DLC1: variants seen among roughly 807,000 people sequenced by gnomAD.
The protein encoded by DLC1 is rho GTPase-activating protein 7.
DLC1 carries 54 observed loss-of-function variants against 140.3 expected under a neutral mutation model. The ratio of observed to expected loss-of-function variants is 0.38; its 90% CI spans 0.31 to 0.48. DLC1 has a LOEUF of 0.48. Ranked by LOEUF, DLC1 falls within the 20% of genes least tolerant of loss-of-function variation. The pLI is 0.96. For synonymous variants in DLC1, 986 were observed against 728.1 expected, an observed-to-expected ratio of 1.35 and a Z score of -5.70; for missense variants, 2,536 against 1,907.0, an observed-to-expected ratio of 1.33 and a Z score of -6.14.
intron 2 of DLC1, among the ~76,000 whole-genome samples, chr8:13,405,569 C>G (rs1036293663): frequency 2.6e-5 from 4 of 152,154 alleles, no homozygotes; most frequent in Admixed American, 1.3e-4. Flanking sequence ...GAGCCTGGCT[C>G]TTCCCACTCC....
intron 5 of DLC1, among the ~76,000 whole-genome samples, chr8:13,134,990 C>T (rs545660121): frequency 3.1e-4 from 47 of 152,136 alleles, no homozygotes; most frequent in African/African-American, 9.6e-4. Context: ...AAAAGCGGTG[C>T]TGTGAGGGCC....
chr8:13,479,263 A>T (rs1328585617), intron 2 of DLC1, among the ~76,000 whole-genome samples: 1 of 152,214 alleles, frequency 6.6e-6, no homozygotes, highest in Non-Finnish European at 1.5e-5. Context: ...GCAACAATAA[A>T]TGTTTCAAAG....
chr8:13,592,797 G>T (rs1009373340), intron 1 of DLC1, among the ~76,000 whole-genome samples: 8 of 151,940 alleles, frequency 5.3e-5, no homozygotes, highest in Non-Finnish European at 1.0e-4. Context: ...CTAGGATTTT[G>T]TTTTGTTTTG....
intron 2 of DLC1, among the ~76,000 whole-genome samples, chr8:13,447,340 C>T (rs1281761193): frequency 2.0e-5 from 3 of 152,208 alleles, no homozygotes; most frequent in Non-Finnish European, 2.9e-5. Flanking sequence ...TTAAGGCATA[C>T]GATTTATGAC....
rs1831385731 is a variant in DLC1, at chr8:13,282,138, C to A, written c.1348+23131G>T. Among the ~76,000 whole-genome samples the A allele has an allele frequency of 2.0e-5, 3 of 152,178 alleles. No homozygotes were observed. In the South Asian group the frequency reaches 6.2e-4, roughly 31 times the overall value. ...TGGGCTAGATGGTCTCATTCCACTT[C>A]AGAAAAATACCTCACCAGAATTCTA... On this transcript the variant is annotated intron_variant, in intron 5 of 17. Transcript: ENST00000276297.
intron 1 of DLC1, among the ~76,000 whole-genome samples, chr8:13,575,562 G>A (rs1327257001): frequency 6.6e-6 from 1 of 152,034 alleles, no homozygotes; most frequent in Non-Finnish European, 1.5e-5. Flanking sequence ...CAGAAGAGTG[G>A]GGCTTGAAAG....
intron 5 of DLC1, among the ~76,000 whole-genome samples, chr8:13,237,867 T>C (rs533783862): frequency 6.7e-6 from 1 of 149,244 alleles, no homozygotes; most frequent in African/African-American, 2.5e-5. Flanking sequence ...CATTTAAAAA[T>C]AGTACTTACC....
At chr8:13,379,810 C>A (rs576406867) in intron 4 of DLC1, among the ~76,000 whole-genome samples, 2 of 152,140 alleles carry the variant, frequency 1.3e-5, no homozygotes, top group African/African-American at 2.4e-5. Context: ...GAATACTATG[C>A]AGCCTCAAAA....
At chr8:13,376,206 T>C (rs1201927441) in intron 4 of DLC1, among the ~76,000 whole-genome samples, 1 of 152,138 alleles carries the variant, frequency 6.6e-6, no homozygotes, top group Non-Finnish European at 1.5e-5. Flanking sequence ...CCAGAGAAAA[T>C]GGAAAACATT....
intron 5 of DLC1, among the ~76,000 whole-genome samples, chr8:13,235,932 T>C (rs1205909310): frequency 3.3e-5 from 5 of 151,768 alleles, no homozygotes; most frequent in African/African-American, 1.2e-4. Context: ...ACTTATTATA[T>C]AAAACACTAC....
At chr8:13,140,264 G>C (rs1822881682) in intron 5 of DLC1, among the ~76,000 whole-genome samples, 1 of 151,926 alleles carries the variant, frequency 6.6e-6, no homozygotes, top group Non-Finnish European at 1.5e-5. Flanking sequence ...ACACGATCTT[G>C]CTCTGTTACC....
chr8:13,231,558 C>G (rs1296796430), intron 5 of DLC1, among the ~76,000 whole-genome samples: 1 of 152,154 alleles, frequency 6.6e-6, no homozygotes, highest in Admixed American at 6.5e-5. Flanking sequence ...GACAGACAAG[C>G]AAAGAGTTGA....
chr8:13,149,669 C>G (rs1823671556), intron 5 of DLC1, among the ~76,000 whole-genome samples: 1 of 152,180 alleles, frequency 6.6e-6, no homozygotes, highest in Non-Finnish European at 1.5e-5. Context: ...TGACATTCCC[C>G]CTATCTTCAG....
intron 5 of DLC1, among the ~76,000 whole-genome samples, chr8:13,205,767 T>A (rs1209375478): frequency 6.6e-6 from 1 of 152,160 alleles, no homozygotes; most frequent in African/African-American, 2.4e-5. Flanking sequence ...TGGATGAACA[T>A]AAGTAGACAT....
At chr8:13,489,450 A>C (rs79616705) in intron 2 of DLC1, among the ~76,000 whole-genome samples, 20 of 89,430 alleles carry the variant, frequency 2.2e-4, no homozygotes, top group African/African-American at 7.5e-4. Flanking sequence ...CACACACACA[A>C]AATGTTGCTA....
chr8:13,100,226 T>A lies in DLC1; in HGVS notation c.2111A>T (p.Asp704Val). 6.2e-7 allele frequency: 1 copy of A among 1,614,160 alleles called. No individual in the cohort carries two copies. The highest frequency in any genetic ancestry group is 1.3e-5 in the African/African-American group (1 of 75,048). The change falls in exon 9 of 18, where the codon GAT (aspartate) becomes GTT (valine). Residue 704 changes from aspartate to valine, a missense_variant. Coordinates refer to ENST00000276297, the MANE Select transcript of DLC1 (RefSeq NM_182643.3). ...ISGPILQEGMDEEKLKQLNCV... is the reference protein window; with the variant it reads ...ISGPILQEGMVEEKLKQLNCV... ...GTTGAGCTGCTTCAGCTTCTCCTCA[T>A]CCATCCCCTCTTGCAAGATGGGCCC...
At chr8:13,116,641 A>T (rs1820578979) in intron 5 of DLC1, among the ~76,000 whole-genome samples, 1 of 152,128 alleles carries the variant, frequency 6.6e-6, no homozygotes, top group Non-Finnish European at 1.5e-5. Flanking sequence ...AACACATCTT[A>T]TTTTTGTCTA....
At chr8:13,330,203 C>T (rs1202395924) in intron 4 of DLC1, among the ~76,000 whole-genome samples, 1 of 152,114 alleles carries the variant, frequency 6.6e-6, no homozygotes, top group Non-Finnish European at 1.5e-5. Context: ...CCCCCTTTCT[C>T]GGCCTCCCAA....
At position 13,527,628 on chromosome 8, in the gene DLC1, T is replaced by C. The variant is rs1050619409; in HGVS notation, c.-125-27432A>G. Among the ~76,000 whole-genome samples the C allele has an allele frequency of 5.9e-5, 9 of 152,310 alleles. No individual in the cohort carries two copies. In the East Asian group the frequency reaches 9.6e-4, roughly 16 times the overall value. Reference sequence around the variant, plus strand: ...GATGATTTGAATTATTTTAAATCTGTTGAGTCTTGCTTTATGGCCAATCAT... The same window carrying C: ...GATGATTTGAATTATTTTAAATCTGCTGAGTCTTGCTTTATGGCCAATCAT... On this transcript the variant is annotated intron_variant, in intron 1 of 1. Coordinates refer to the DLC1 transcript ENST00000631382.
Sources: gnomAD v4.1 joint callset for allele counts (sites outside exome capture counted in the v4.1 genomes callset) on GRCh38, gnomAD v4.1.1 for gene constraint, MANE v1.5 for transcripts, NCBI Gene and HGNC (gene_info 2026-07-23, HGNC 2026-07-21) for gene names.